The following BEST3 variants were observed in gnomAD, a reference collection of about 807,000 sequenced individuals.
BEST3 encodes the protein bestrophin-3.
A neutral mutation model predicts 47.1 loss-of-function variants in BEST3; 50 were observed. The ratio of observed to expected loss-of-function variants is 1.06; its 90% CI spans 0.85 to 1.34. The LOEUF (loss-of-function observed/expected upper bound fraction) is 1.34. Among genes scored for constraint, BEST3 ranks in the 40% most tolerant of loss-of-function variants. The pLI, the probability that BEST3 is intolerant of heterozygous loss-of-function variation, is 0.00. For missense variants in BEST3, 765 were observed against 817.0 expected, an observed-to-expected ratio of 0.94 and a Z score of 0.78; for synonymous variants, 282 against 298.8, an observed-to-expected ratio of 0.94 and a Z score of 0.58.
chr12:69,690,603 C>T (rs997478900), intron 4 of BEST3, among the ~76,000 whole-genome samples: 6 of 152,162 alleles, frequency 3.9e-5, no homozygotes, highest in Admixed American at 2.0e-4. Flanking sequence ...GGATTGGACC[C>T]GGCATCTGAT....
intron 9 of BEST3, chr12:69,660,018 T>A (rs1281815713): frequency 6.6e-6 from 1 of 152,092 alleles, no homozygotes; most frequent in South Asian, 2.1e-4. Context: ...GTCTCTGTGG[T>A]GGGAAAAATA....
At chr12:69,679,911 A>ATGAG in intron 4 of BEST3, among the ~76,000 whole-genome samples, 1 of 85,090 alleles carries the variant, frequency 1.2e-5, no homozygotes, top group South Asian at 5.6e-4. Flanking sequence ...GTGTGTATGC[A>ATGAG]TGCGTGTGTG....
intron 4 of BEST3, 38 bp downstream of exon 4, chr12:69,693,636 T>A (rs1433116773): frequency 6.8e-7 from 1 of 1,461,206 alleles, no homozygotes; most frequent in Non-Finnish European, 9.6e-7. Context: ...CTGTCTCAGC[T>A]GAGAAGAGCC....
chr12:69,653,989 C>T lies in BEST3; in HGVS notation c.*918G>A, dbSNP rs945820429. 28 of 985,384 alleles carry T rather than the reference C, an allele frequency of 2.8e-5. No homozygotes were observed. In the East Asian group the frequency reaches 5.7e-4, roughly 20 times the overall value. The allele number at this position is 985,384 out of a possible 1,614,324, so 61.0% of individuals were successfully genotyped here. ...CTTGGCTTCGTTTTTCTCCAGTGCC[C>T]AACACCAAATAGTGGAAGCAGAAAG... is the stretch of plus-strand genomic sequence containing the variant. On this transcript the variant is annotated 3_prime_UTR_variant, in exon 10 of 10. Transcript: ENST00000330891.
intron 4 of BEST3, among the ~76,000 whole-genome samples, chr12:69,679,276 A>C (rs1169015925): frequency 6.6e-6 from 1 of 152,208 alleles, no homozygotes; most frequent in Non-Finnish European, 1.5e-5. Context: ...AAATATGATA[A>C]CGTATATAAA....
chr12:69,654,335 C>T lies in BEST3; in HGVS notation c.*572G>A, dbSNP rs933611457. 4 of 984,686 alleles carry T rather than the reference C, an allele frequency of 4.1e-6. No homozygotes were observed. Among genetic ancestry groups the T allele is most frequent in the South Asian group, 9.4e-5 (2 of 21,252 alleles). 61.0% of individuals were successfully genotyped at this position (984,686 alleles called of 1,614,324 possible). A position where few individuals can be genotyped will look rare whatever the true frequency, so the allele number is the denominator to read the frequency against. ...AGGAAATTGAAGAGAATTAAGTGTT[C>T]TGGTGCTGATGAAGCTTAAGAATCA... On this transcript the variant is annotated 3_prime_UTR_variant, in exon 10 of 10. Transcript: ENST00000330891.
intron 4 of BEST3, among the ~76,000 whole-genome samples, chr12:69,681,807 G>A (rs943231076): frequency 1.8e-4 from 27 of 152,222 alleles, no homozygotes; most frequent in African/African-American, 6.3e-4. Flanking sequence ...GCAGCAAGGC[G>A]TGGTGGCTCA....
rs1343289750 is a variant in BEST3 at position 69,693,739 on chromosome 12, A to T, written c.416T>A (p.Ile139Asn). Residue 139 changes from isoleucine to asparagine, a missense_variant, in exon 4 of 10, where the codon ATC becomes AAC. Physicochemically the swap from Ile to Asn is moderately radical, Grantham distance 149. Coordinates refer to ENST00000330891, the MANE Select transcript of BEST3 (RefSeq NM_032735.3). ...CACAGCAGTGCTCACCGAGCGAAAG[A>T]TGAGCAGGGAGGTGAGATTGACGTA... The part of the protein sequence containing the change: ...MRYVNLTSLL[I>N]FRSVSTAVYK... 6.2e-7 allele frequency: 1 copy of T among 1,614,152 alleles called. No homozygotes were observed. Among genetic ancestry groups the T allele is most frequent in the Admixed American group, 1.7e-5 (1 of 60,014 alleles).
At chr12:69,698,749 T>C (rs1886223146) in intron 1 of BEST3, among the ~76,000 whole-genome samples, 2 of 152,246 alleles carry the variant, frequency 1.3e-5, no homozygotes, top group South Asian at 4.1e-4. Flanking sequence ...AAATTTTCTA[T>C]CTTTACTCAT....
At chr12:69,659,838 A>T (rs571688762) in intron 9 of BEST3, among the ~76,000 whole-genome samples, 19 of 152,360 alleles carry the variant, frequency 1.2e-4, no homozygotes, top group Middle Eastern at 3.4e-3. Flanking sequence ...ATACGATAGA[A>T]TAAAAGTACC....
At chr12:69,692,050 G>A (rs1885946487) in intron 4 of BEST3, among the ~76,000 whole-genome samples, 1 of 152,098 alleles carries the variant, frequency 6.6e-6, no homozygotes, top group Non-Finnish European at 1.5e-5. Flanking sequence ...ATACCATCTG[G>A]TCTGTGTGTA....
chr12:69,693,983 T>G, intron 3 of BEST3, 76 bp from the exon 4 acceptor site: 1 of 1,117,274 alleles, frequency 9.0e-7, no homozygotes, highest in Non-Finnish European at 1.3e-6. Flanking sequence ...TTAGCTGAAT[T>G]TTAGCCTTTT....
chr12:69,677,389 A>G, intron 5 of BEST3, 132 bp from the exon 6 acceptor site: 1 of 780,810 alleles, frequency 1.3e-6, no homozygotes, highest in South Asian at 1.6e-5. Flanking sequence ...TCCCAAGGAT[A>G]CTCCAAAAGG....
intron 9 of BEST3, among the ~76,000 whole-genome samples, chr12:69,646,134 T>C (rs810271): frequency 1 from 151,860 of 152,210 alleles, 75,756 homozygotes; most frequent in Middle Eastern, 1. Flanking sequence ...GATGGGGTTT[T>C]GCCATGTTGG....
chr12:69,690,436 C>T (rs369684069), intron 4 of BEST3, among the ~76,000 whole-genome samples: 1 of 152,216 alleles, frequency 6.6e-6, no homozygotes, highest in Admixed American at 6.5e-5. Flanking sequence ...ATTTGCCTCC[C>T]TATATCTACT....
intron 9 of BEST3, chr12:69,670,697 T>A: frequency 3.9e-6 from 2 of 518,024 alleles, no homozygotes; most frequent in Non-Finnish European, 6.9e-6. Context: ...CTCAGGGAAC[T>A]ATGAGCCACA....
At chr12:69,680,004 A>C (rs1729608906) in intron 4 of BEST3, among the ~76,000 whole-genome samples, 1 of 152,240 alleles carries the variant, frequency 6.6e-6, no homozygotes, top group South Asian at 2.1e-4. Context: ...TGTAAAAGAG[A>C]GATAATATTT....
Position 69,655,455 on chromosome 12 carries a change from G to A in BEST3, c.1459C>T (p.Gln487Ter). 6.2e-7 allele frequency: 1 copy of A among 1,614,166 alleles called. No homozygotes were observed. Residue 487 changes from glutamine to a stop codon, truncating the protein, a stop_gained, in exon 10 of 10, where the codon CAG (glutamine) becomes TAG (stop). Transcript: ENST00000330891. LOFTEE classifies it low-confidence loss of function (END_TRUNC). ...QTSTLQSLTP[Q>*]SSVRTSPIKM... ...ATGGGGGAAGTTCTCACACTGGACT[G>A]TGGGGTCAGGCTCTGTAAAGTGCTT...
At chr12:69,653,249 G>T (rs1883270926), downstream of BEST3, among the ~76,000 whole-genome samples, 1 of 152,202 alleles carries the variant, frequency 6.6e-6, no homozygotes, top group Non-Finnish European at 1.5e-5. Flanking sequence ...AAAGACGCAG[G>T]TAGACTTGAG....
Sources: gnomAD v4.1 joint callset for allele counts (sites outside exome capture counted in the v4.1 genomes callset) on GRCh38, gnomAD v4.1.1 for gene constraint, MANE v1.5 for transcripts, NCBI Gene and HGNC (gene_info 2026-07-23, HGNC 2026-07-21) for gene names.